SMYD2: variants seen among roughly 807,000 people sequenced by gnomAD.
SMYD2 encodes N-lysine methyltransferase SMYD2.
SMYD2 carries 53 observed loss-of-function variants against 59.1 expected under a neutral mutation model. The ratio of observed to expected loss-of-function variants is 0.90; its 90% CI spans 0.72 to 1.13. SMYD2 has a LOEUF of 1.13. Ranked by LOEUF, SMYD2 falls within the 50% of genes most tolerant of loss-of-function variation. The probability of loss-of-function intolerance (pLI) is 0.00; values close to 1 mark genes in which losing one functional copy is unlikely to be tolerated. For synonymous variants in SMYD2, 208 were observed against 198.8 expected (o/e 1.05, Z -0.39); for missense variants, 494 against 544.7 (o/e 0.91, Z 0.93).
intron 6 of SMYD2, among the ~76,000 whole-genome samples, chr1:214,326,054 A>G (rs1262833279): frequency 6.6e-6 from 1 of 151,950 alleles, no homozygotes; most frequent in African/African-American, 2.4e-5. Context: ...CCTGACCAAC[A>G]TGGTGAAACC....
At chr1:214,328,626 G>T (rs1657299622) in intron 7 of SMYD2, among the ~76,000 whole-genome samples, 1 of 152,176 alleles carries the variant, frequency 6.6e-6, no homozygotes, top group African/African-American at 2.4e-5. Context: ...ATTTTACGGT[G>T]CATGCCTGGG....
At chr1:214,316,444 A>G (rs998875961) in intron 3 of SMYD2, among the ~76,000 whole-genome samples, 6 of 151,990 alleles carry the variant, frequency 3.9e-5, no homozygotes, top group African/African-American at 1.5e-4. Context: ...TTGTGCCACC[A>G]TACTCCATCC....
chr1:214,286,311 A>C (rs985853), intron 1 of SMYD2, among the ~76,000 whole-genome samples: 1 of 151,636 alleles, frequency 6.6e-6, no homozygotes, highest in African/African-American at 2.4e-5. Context: ...TACAAAAAAA[A>C]TTTTATTTAG....
At chr1:214,330,869 ATG>A (rs1206577148) in intron 8 of SMYD2, 79 bp from the exon 9 acceptor site, 4 of 1,595,384 alleles carry the variant, frequency 2.5e-6, no homozygotes, top group Admixed American at 3.4e-5. Flanking sequence ...CTGTGTGGGA[ATG>A]TGTATTATAT....
intron 2 of SMYD2, among the ~76,000 whole-genome samples, chr1:214,309,737 T>C (rs1480264199): frequency 6.6e-6 from 1 of 152,202 alleles, no homozygotes; most frequent in Non-Finnish European, 1.5e-5. Flanking sequence ...GGAAGCATCT[T>C]AAATTTGGGC....
chr1:214,316,223 C>T (rs1657082582), intron 3 of SMYD2, among the ~76,000 whole-genome samples: 1 of 152,138 alleles, frequency 6.6e-6, no homozygotes, highest in African/African-American at 2.4e-5. Flanking sequence ...GTAATCTTAG[C>T]ACTTTGGGAG....
In SMYD2 at chr1:214,327,685, A is replaced by C; in HGVS notation, c.666A>C (p.Ala222=). 1 of 1,614,188 alleles carries C rather than the reference A, an allele frequency of 6.2e-7. No homozygotes were observed. The highest frequency in any genetic ancestry group is 8.5e-7 in the Non-Finnish European group (1 of 1,180,014). The change falls in exon 7 of 12, where the codon GCA becomes GCC. Residue 222 remains alanine (A), a synonymous_variant. Transcript: ENST00000366957. The stretch of plus-strand genomic sequence containing the variant: ...TTGTGACCTACAAAGGGACCCTGGC[A>C]GAAGTCAGAGCTGTACAGGAAATCA... ...NVIVTYKGTL[A]EVRAVQEIKP...
chr1:214,327,322 T>C (rs1315870456), intron 6 of SMYD2, among the ~76,000 whole-genome samples: 14 of 152,264 alleles, frequency 9.2e-5, no homozygotes, highest in Admixed American at 9.2e-4. Context: ...GAGAGCTGCA[T>C]TCTATCAGGG....
chr1:214,295,902 TA>T (rs1656718814), intron 1 of SMYD2, among the ~76,000 whole-genome samples: 1 of 152,382 alleles, frequency 6.6e-6, no homozygotes, highest in South Asian at 2.1e-4. Context: ...GGTGGGAGGC[TA>T]ACTTTGTTTC....
chr1:214,303,686 C>T (rs772066213), intron 1 of SMYD2, among the ~76,000 whole-genome samples: 1 of 152,224 alleles, frequency 6.6e-6, no homozygotes, highest in Non-Finnish European at 1.5e-5. Flanking sequence ...TTCCTTAATT[C>T]TGTAGGAGGA....
chr1:214,284,954 C>G (rs1656512521), intron 1 of SMYD2, among the ~76,000 whole-genome samples: 1 of 152,146 alleles, frequency 6.6e-6, no homozygotes, highest in African/African-American at 2.4e-5. Flanking sequence ...CCCTTTTGAT[C>G]TTTAGTTCTC....
chr1:214,302,430 G>A (rs1446547506), intron 1 of SMYD2, among the ~76,000 whole-genome samples: 2 of 151,654 alleles, frequency 1.3e-5, no homozygotes, highest in Admixed American at 1.3e-4. Context: ...TACGCCTTAC[G>A]CCTCACACCT....
chr1:214,320,964 A>AT (rs1175450175), intron 5 of SMYD2, among the ~76,000 whole-genome samples: 3 of 152,166 alleles, frequency 2.0e-5, no homozygotes, highest in African/African-American at 7.2e-5. Flanking sequence ...TGAATACATA[A>AT]TTTTTTCTGG....
intron 1 of SMYD2, among the ~76,000 whole-genome samples, chr1:214,302,205 T>C (rs1656834978): frequency 6.6e-6 from 1 of 152,006 alleles, no homozygotes; most frequent in Non-Finnish European, 1.5e-5. Flanking sequence ...TGGGTGTCAT[T>C]ACACATGCGT....
intron 1 of SMYD2, among the ~76,000 whole-genome samples, chr1:214,284,976 GTTAT>G (rs1180570235): frequency 6.6e-6 from 1 of 152,128 alleles, no homozygotes; most frequent in Non-Finnish European, 1.5e-5. Flanking sequence ...TGGCTCATGG[GTTAT>G]TTAAGGATGA....
chr1:214,300,506 C>T lies in SMYD2; in HGVS notation c.174-4681C>T, dbSNP rs540597211. ...TGAAAAATGATCCTGGATCCCCTCC[C>T]CATTGCATCTTTAAAGCAAAGTGAC... On this transcript the variant is annotated intron_variant, in intron 1 of 11. Coordinates refer to ENST00000366957, the MANE Select transcript of SMYD2 (RefSeq NM_020197.3). 5.3e-5 allele frequency among the ~76,000 whole-genome samples: 8 copies of T among 152,318 alleles called. 1 individual carries two copies. The highest frequency in any genetic ancestry group is 3.4e-3 in the Middle Eastern group (1 of 294).
At chr1:214,309,353 T>C (rs994176601) in intron 2 of SMYD2, among the ~76,000 whole-genome samples, 1 of 152,096 alleles carries the variant, frequency 6.6e-6, no homozygotes, top group Non-Finnish European at 1.5e-5. Flanking sequence ...GGAAGCAAAG[T>C]ATATTACTCA....
rs750396065 is a variant in SMYD2, at chr1:214,324,697, GAT to G, written c.594_595del (p.Phe199SerfsTer2). The G allele has an allele frequency of 6.2e-7, 1 of 1,612,460 alleles. No homozygotes were observed. The highest frequency in any genetic ancestry group is 1.1e-5 in the South Asian group (1 of 90,700). On this transcript the variant is annotated frameshift_variant, in exon 6 of 12. Coordinates refer to ENST00000366957, the MANE Select transcript of SMYD2 (RefSeq NM_020197.3). LOFTEE classifies it high-confidence loss of function. Reference sequence around the variant, plus strand: ...AAGAACTTTCTCATTTGGGATCAGCGATATTTCCTGAGTAGGCTGTGTTTGAC... The same window carrying G: ...AAGAACTTTCTCATTTGGGATCAGCGATTTCCTGAGTAGGCTGTGTTTGAC... The part of the protein sequence containing the change: ...DEELSHLGSA[I>X]FPDVALMNHS...
At chr1:214,303,386 G>A (rs1057320211) in intron 1 of SMYD2, among the ~76,000 whole-genome samples, 1 of 151,982 alleles carries the variant, frequency 6.6e-6, no homozygotes, top group Non-Finnish European at 1.5e-5. Flanking sequence ...AGAGAGCAAG[G>A]GTCTGTCCAT....
Sources: gnomAD v4.1 joint callset for allele counts (sites outside exome capture counted in the v4.1 genomes callset) on GRCh38, gnomAD v4.1.1 for gene constraint, MANE v1.5 for transcripts, NCBI Gene and HGNC (gene_info 2026-07-23, HGNC 2026-07-21) for gene names.